Variants in MTMR8 observed in about 807,000 individuals in gnomAD.
MTMR8 encodes the protein myotubularin related protein 8, also known as phosphatidylinositol-3,5-bisphosphate 3-phosphatase MTMR8.
In MTMR8, 65 loss-of-function variants were observed where a neutral mutation model predicts 39.3. The ratio of observed to expected loss-of-function variants is 1.65; its 90% CI spans 1.35 to 2.03. The LOEUF is 2.03. Ranked by LOEUF, MTMR8 falls within the 30% of genes most tolerant of loss-of-function variation. The pLI is 0.00. For synonymous variants in MTMR8, 245 were observed against 185.2 expected (o/e 1.32, Z -2.62); for missense variants, 777 against 538.9 (o/e 1.44, Z -4.37).
chrX:64,327,573 T>C (rs1040196081), intron 12 of MTMR8, among the ~76,000 whole-genome samples: 3 of 112,336 alleles, frequency 2.7e-5, no homozygotes, highest in African/African-American at 3.2e-5. Context: ...TCACATACTA[T>C]CAGTGGAAAT....
intron 1 of MTMR8, among the ~76,000 whole-genome samples, chrX:64,372,592 G>A (rs7066796): frequency 0.083 from 9,259 of 111,502 alleles, 1,000 homozygotes; most frequent in African/African-American, 0.29. Context: ...AACCTTTTGA[G>A]ATTGGCCTTA....
intron 12 of MTMR8, among the ~76,000 whole-genome samples, chrX:64,275,652 A>G (rs1219318133): frequency 9.2e-6 from 1 of 108,897 alleles, no homozygotes; most frequent in African/African-American, 3.3e-5. Flanking sequence ...CTCTCTCAAA[A>G]AAAAAAAAAA....
chrX:64,306,507 T>C lies in MTMR8; in HGVS notation c.1481+22265A>G, dbSNP rs187902848. ...AATTTCTTAGTTATCACTTGAAGCA[T>C]TTTGAATAATAGCTACTAGAGAGGT... On this transcript the variant is annotated intron_variant, in intron 12 of 13. Transcript: ENST00000374852. 1.1e-3 allele frequency: 164 copies of C among 143,445 alleles called. 2 individuals are homozygous for C. The highest frequency in any genetic ancestry group is 4.1e-3 in the African/African-American group (131 of 31,733). 11.8% of individuals were successfully genotyped at this position (143,445 alleles called of 1,213,427 possible).
chrX:64,309,542 G>T (rs1922230935), intron 12 of MTMR8, among the ~76,000 whole-genome samples: 1 of 111,525 alleles, frequency 9.0e-6, no homozygotes, highest in Non-Finnish European at 1.9e-5. Context: ...TGCAAATAGA[G>T]ACAGTTTTAT....
chrX:64,317,061 G>A (rs1332557785), intron 12 of MTMR8, among the ~76,000 whole-genome samples: 1 of 103,519 alleles, frequency 9.7e-6, no homozygotes, highest in East Asian at 3.0e-4. Context: ...GCAGTGAGCC[G>A]AGATCATGCC....
intron 12 of MTMR8, among the ~76,000 whole-genome samples, chrX:64,327,934 A>C (rs1248924140): frequency 8.9e-6 from 1 of 112,537 alleles, no homozygotes; most frequent in African/African-American, 3.2e-5. Context: ...AGCCACACAA[A>C]GGCAAATACA....
rs1315826530 is a variant in MTMR8, at chrX:64,319,212, T to A, written c.1481+9560A>T. On this transcript the variant is annotated intron_variant, in intron 12 of 13. Coordinates refer to ENST00000374852, the MANE Select transcript of MTMR8 (RefSeq NM_017677.4). ...GCAATAACTAAGCAGGAAGAAACTA[T>A]AAGAATAAACATTTTCAAATTCTAG... 5.3e-5 allele frequency among the ~76,000 whole-genome samples: 6 copies of A among 112,366 alleles called. No homozygotes were observed. The South Asian group carries it at 1.5e-3, about 28-fold the overall frequency.
intron 5 of MTMR8, 95 bp downstream of exon 5, chrX:64,349,847 C>A: frequency 2.6e-6 from 2 of 772,077 alleles, no homozygotes; most frequent in Non-Finnish European, 3.5e-6. Context: ...AGTAACTTGC[C>A]TGAGGTCACA....
At chrX:64,343,582 G>A (rs1923269682) in intron 8 of MTMR8, 29 bp downstream of exon 8, 3 of 962,439 alleles carry the variant, frequency 3.1e-6, no homozygotes, top group African/African-American at 3.8e-5. Context: ...ATTAAAGTCA[G>A]TGCAAATTTT....
intron 2 of MTMR8, among the ~76,000 whole-genome samples, chrX:64,359,112 C>T (rs1355442030): frequency 9.0e-6 from 1 of 110,909 alleles, no homozygotes; most frequent in Non-Finnish European, 1.9e-5. Context: ...CTTCAAGATG[C>T]TTACAAACAT....
In MTMR8 at chrX:64,359,270, A is replaced by G. The variant is rs1389002761; in HGVS notation, c.147+135T>C. The G allele has an allele frequency of 1.1e-4, 63 of 585,583 alleles. No homozygotes were observed. In the Admixed American group the frequency reaches 1.9e-3, roughly 18 times the overall value. The allele number at this position is 585,583 out of a possible 1,213,427, so 48.3% of individuals were successfully genotyped here. A position where few individuals can be genotyped will look rare whatever the true frequency, so the allele number is the denominator to read the frequency against. ...ATACAATTCAGACCATAAAAAGATT[A>G]TTAGAATAGGTCCTCTGAAGAAAAG... is the stretch of plus-strand genomic sequence containing the variant. On this transcript the variant is annotated intron_variant, in intron 2 of 13. Transcript: ENST00000374852.
intron 5 of MTMR8, 131 bp from the exon 6 acceptor site, chrX:64,348,925 A>T: frequency 1.4e-6 from 1 of 695,041 alleles, no homozygotes; most frequent in Non-Finnish European, 2.1e-6. Context: ...AAGCAAAGAG[A>T]AATGTGACTC....
At position 64,296,991 on chromosome X, in the gene MTMR8, T is replaced by G. The variant is rs753842036; in HGVS notation, c.1482-25918A>C. On this transcript the variant is annotated intron_variant, in intron 12 of 13. Coordinates refer to ENST00000374852, the MANE Select transcript of MTMR8 (RefSeq NM_017677.4). ...AATCCAGTCTATCATTGTTGGACAT[T>G]TGGCTTGGTTCCAAGTCTTTGCTAT... Among the ~76,000 whole-genome samples the G allele has an allele frequency of 3.9e-3, 396 of 102,687 alleles. 4 individuals are homozygous for G. The highest frequency in any genetic ancestry group is 0.014 in the African/African-American group (380 of 27,865). 89.2% of individuals were successfully genotyped at this position (102,687 alleles called of 115,157 possible).
chrX:64,352,296 T>C (rs1923506416), intron 4 of MTMR8, among the ~76,000 whole-genome samples: 1 of 111,769 alleles, frequency 8.9e-6, no homozygotes, highest in Non-Finnish European at 1.9e-5. Flanking sequence ...TGGAAGCTTG[T>C]TCCTGGTTTT....
At chrX:64,286,926 C>T (rs1298629648) in intron 12 of MTMR8, among the ~76,000 whole-genome samples, 1 of 111,553 alleles carries the variant, frequency 9.0e-6, no homozygotes, top group Non-Finnish European at 1.9e-5. Context: ...CCTCTCTCAC[C>T]ACTCCTATTC....
chrX:64,271,867 A>C (rs780396965), intron 12 of MTMR8, among the ~76,000 whole-genome samples: 1 of 112,305 alleles, frequency 8.9e-6, no homozygotes, highest in East Asian at 2.8e-4. Context: ...GTAGGGGGAA[A>C]ATCCCAGTTC....
intron 12 of MTMR8, among the ~76,000 whole-genome samples, chrX:64,288,082 T>C (rs1390896093): frequency 1.5e-5 from 1 of 65,917 alleles, no homozygotes; most frequent in Non-Finnish European, 2.9e-5. Context: ...ACCTACAGAA[T>C]GGGAGAAAAT....
At chrX:64,340,899 T>C (rs1334002614) in intron 8 of MTMR8, among the ~76,000 whole-genome samples, 1 of 111,999 alleles carries the variant, frequency 8.9e-6, no homozygotes. Flanking sequence ...AATGGAGAAA[T>C]AGGCACTGTT....
chrX:64,289,101 G>T (rs1433383089), intron 12 of MTMR8, among the ~76,000 whole-genome samples: 1 of 110,107 alleles, frequency 9.1e-6, no homozygotes, highest in Non-Finnish European at 1.9e-5. Context: ...ATTATAAAGT[G>T]TGCAAAGGAC....
Sources: allele counts gnomAD v4.1 joint callset (sites outside exome capture counted in the v4.1 genomes callset), GRCh38; gene constraint gnomAD v4.1.1; transcripts MANE v1.5; gene names NCBI Gene and HGNC (gene_info 2026-07-23, HGNC 2026-07-21).